Variants in USP44 observed in about 807,000 individuals in gnomAD.
USP44 encodes the protein ubiquitin carboxyl-terminal hydrolase 44.
In USP44, 61 loss-of-function variants were observed where a neutral mutation model predicts 69.0. The ratio of observed to expected loss-of-function variants is 0.88; its 90% CI spans 0.72 to 1.09. The LOEUF (loss-of-function observed/expected upper bound fraction) is 1.09. Ranked by LOEUF, USP44 falls within the 50% of genes least tolerant of loss-of-function variation. The probability of loss-of-function intolerance (pLI) is 0.00; values close to 1 mark genes in which losing one functional copy is unlikely to be tolerated. For synonymous variants in USP44, 297 were observed against 295.4 expected (o/e 1.01, Z -0.06); for missense variants, 753 against 849.9 (o/e 0.89, Z 1.42).
intron 2 of USP44, among the ~76,000 whole-genome samples, chr12:95,532,581 G>A (rs1220897294): frequency 6.6e-6 from 1 of 151,950 alleles, no homozygotes; most frequent in African/African-American, 2.4e-5. Context: ...GTAACCTAGA[G>A]AGCTCCGTCT....
In USP44 at chr12:95,528,882, C is replaced by G. The variant is rs2076933374; in HGVS notation, c.1549G>C (p.Val517Leu). ...GKDIASQPCL[V>L]TEMLAKFTET... The stretch of plus-strand genomic sequence containing the variant: ...GTAAATTTGGCCAACATTTCAGTAA[C>G]CAGACATGGCTGGGAAGCAATATCT... Residue 517 changes from valine (V) to leucine (L), a missense_variant, in exon 3 of 6, where the codon GTT becomes CTT. Physicochemically the swap from Val to Leu is conservative, Grantham distance 32. Transcript: ENST00000258499. 5 of 1,613,904 alleles carry G rather than the reference C, an allele frequency of 3.1e-6. No homozygotes were observed. Among genetic ancestry groups the G allele is most frequent in the Non-Finnish European group, 4.2e-6 (5 of 1,179,998 alleles).
intron 1 of USP44, among the ~76,000 whole-genome samples, chr12:95,543,745 T>A (rs1200997690): frequency 1.3e-5 from 2 of 151,636 alleles, no homozygotes; most frequent in Non-Finnish European, 2.9e-5. Context: ...GGCGGGCAGA[T>A]CACGAGGTCA....
At chr12:95,521,564 C>A (rs955927947) in intron 4 of USP44, among the ~76,000 whole-genome samples, 1 of 152,244 alleles carries the variant, frequency 6.6e-6, no homozygotes, top group Middle Eastern at 3.4e-3. Context: ...TGCAGTGGTG[C>A]GATCTTGGCT....
intron 2 of USP44, among the ~76,000 whole-genome samples, chr12:95,531,360 A>G (rs1206015686): frequency 6.6e-6 from 1 of 152,134 alleles, no homozygotes; most frequent in Non-Finnish European, 1.5e-5. Context: ...GGGAAAAAAT[A>G]TTTATACATG....
intron 1 of USP44, among the ~76,000 whole-genome samples, chr12:95,543,271 C>T (rs920341501): frequency 8.1e-5 from 12 of 148,418 alleles, no homozygotes; most frequent in African/African-American, 2.7e-4. Flanking sequence ...CGTGGTGGCA[C>T]GCATCTGTAG....
chr12:95,536,325 G>T (rs1021811142), intron 1 of USP44, among the ~76,000 whole-genome samples: 3 of 152,002 alleles, frequency 2.0e-5, no homozygotes, highest in South Asian at 2.1e-4. Flanking sequence ...TTACAAGCGT[G>T]AGCCACCGTG....
intron 3 of USP44, among the ~76,000 whole-genome samples, chr12:95,528,149 CTCTTT>C (rs2076911413): frequency 6.6e-6 from 1 of 152,192 alleles, no homozygotes; most frequent in Admixed American, 6.5e-5. Flanking sequence ...GAAGACGCTT[CTCTTT>C]TAACTGAAGT....
intron 3 of USP44, among the ~76,000 whole-genome samples, chr12:95,527,163 C>T (rs375117000): frequency 1.3e-5 from 2 of 150,688 alleles, no homozygotes; most frequent in Non-Finnish European, 2.9e-5. Flanking sequence ...GGCGCGATCT[C>T]GGCTCACTGC....
Position 95,534,251 on chromosome 12 carries a change from T to C in USP44, c.6A>G (p.Leu2=), listed in dbSNP as rs377219944. 14 of 1,607,300 alleles carry C rather than the reference T, an allele frequency of 8.7e-6. No homozygotes were observed. In the East Asian group the frequency reaches 1.3e-4, roughly 15 times the overall value. The change falls in exon 2 of 6, where the codon CTA becomes CTG. Residue 2 remains leucine, a synonymous_variant. Transcript: ENST00000258499. ...CAACATGTTTGCACGTATCCATTGC[T>C]AGCATTTATTTAGTCTAGCTGAGAA... The part of the protein sequence containing the change: M[L]AMDTCKHVGQ...
chr12:95,533,251 C>A lies in USP44; in HGVS notation c.1006G>T (p.Glu336Ter), dbSNP rs1438263041. 6.2e-7 allele frequency: 1 copy of A among 1,614,106 alleles called. No homozygotes were observed. The highest frequency in any genetic ancestry group is 8.5e-7 in the Non-Finnish European group (1 of 1,179,990). ...AAACCTGTATCTTTTTCCTGACATT[C>A]ATTCATTTGATATACTACTGTATCT... ...VTDTVVYQMN[E>*]CQEKDTGFVC... Residue 336 changes from glutamate to a stop codon, truncating the protein, a stop_gained, in exon 2 of 6, where the codon GAA (glutamate) becomes TAA (stop). Coordinates refer to ENST00000258499, the MANE Select transcript of USP44 (RefSeq NM_032147.5). LOFTEE classifies it high-confidence loss of function.
At chr12:95,538,703 C>T (rs1378537647) in intron 1 of USP44, among the ~76,000 whole-genome samples, 1 of 152,188 alleles carries the variant, frequency 6.6e-6, no homozygotes, top group Admixed American at 6.5e-5. Context: ...GGCAAGGGCA[C>T]CGTGGAAAGC....
chr12:95,528,868 C>G lies in USP44; in HGVS notation c.1563G>C (p.Leu521Phe). 6.2e-7 allele frequency: 1 copy of G among 1,613,928 alleles called. No individual in the cohort carries two copies. The highest frequency in any genetic ancestry group is 1.1e-5 in the South Asian group (1 of 91,062). Residue 521 changes from leucine (L) to phenylalanine (F), a missense_variant, in exon 3 of 6, where the codon TTG becomes TTC. By Grantham distance (22) the Leu-to-Phe change is conservative. Coordinates refer to ENST00000258499, the MANE Select transcript of USP44 (RefSeq NM_032147.5). ...ASQPCLVTEM[L>F]AKFTETEALE... ...AAGCTTCAGTTTCTGTAAATTTGGC[C>G]AACATTTCAGTAACCAGACATGGCT...
chr12:95,538,827 A>G (rs2077288993), intron 1 of USP44, among the ~76,000 whole-genome samples: 1 of 152,234 alleles, frequency 6.6e-6, no homozygotes, highest in Non-Finnish European at 1.5e-5. Context: ...GGAGGAAAGA[A>G]AGGAGGATGG....
At chr12:95,532,227 GT>G (rs1315800654) in intron 2 of USP44, among the ~76,000 whole-genome samples, 1 of 149,220 alleles carries the variant, frequency 6.7e-6, no homozygotes, top group African/African-American at 2.5e-5. Context: ...GAGTGCAGTG[GT>G]GTGATTTCAG....
intron 1 of USP44, among the ~76,000 whole-genome samples, chr12:95,543,087 CA>C (rs556889371): frequency 8.6e-4 from 95 of 110,230 alleles, no homozygotes; most frequent in Admixed American, 9.4e-4. Flanking sequence ...GACTCTGTCT[CA>C]AAAAAAAAAA....
chr12:95,549,440 G>A (rs1400020639), intron 1 of USP44, among the ~76,000 whole-genome samples: 1 of 152,128 alleles, frequency 6.6e-6, no homozygotes, highest in Admixed American at 6.5e-5. Flanking sequence ...AAAAGGAAAA[G>A]GAGGGGAAAT....
At chr12:95,521,841 C>T (rs373084642) in intron 4 of USP44, among the ~76,000 whole-genome samples, 12 of 152,090 alleles carry the variant, frequency 7.9e-5, no homozygotes, top group South Asian at 2.1e-4. Context: ...AGAGGGTTAT[C>T]CCAGATGGGA....
At chr12:95,536,668 A>G (rs1409915568) in intron 1 of USP44, among the ~76,000 whole-genome samples, 1 of 152,084 alleles carries the variant, frequency 6.6e-6, no homozygotes, top group Non-Finnish European at 1.5e-5. Flanking sequence ...CCAAGCTACA[A>G]TCAAGTCTTA....
intron 1 of USP44, chr12:95,546,792 G>T (rs1305421511): frequency 1.3e-5 from 2 of 152,088 alleles, no homozygotes; most frequent in East Asian, 3.8e-4. Context: ...AAATTTACAC[G>T]GGGGTTTTTC....
Sources: allele counts gnomAD v4.1 joint callset (sites outside exome capture counted in the v4.1 genomes callset), GRCh38; gene constraint gnomAD v4.1.1; transcripts MANE v1.5; gene names NCBI Gene and HGNC (gene_info 2026-07-23, HGNC 2026-07-21).